The following CNTNAP2 variants were observed in gnomAD, a reference collection of about 807,000 sequenced individuals.
CNTNAP2 encodes the protein contactin associated protein 2.
CNTNAP2 carries 98 observed loss-of-function variants against 155.2 expected under a neutral mutation model. The observed-to-expected ratio is 0.63, with a 90% CI of 0.54 to 0.75. The LOEUF (loss-of-function observed/expected upper bound fraction) is 0.75, where lower values mean the gene tolerates loss of function less well. Among genes scored for constraint, CNTNAP2 ranks in the 30% least tolerant of loss-of-function variants. The pLI is 0.00. For missense variants in CNTNAP2, 1,727 were observed against 1,688.1 expected (o/e 1.02, Z -0.40); for synonymous variants, 651 against 631.2 (o/e 1.03, Z -0.47).
At chr7:147,722,542 A>G (rs369822239) in intron 13 of CNTNAP2, among the ~76,000 whole-genome samples, 13 of 152,098 alleles carry the variant, frequency 8.5e-5, no homozygotes, top group East Asian at 7.7e-4. Flanking sequence ...GAAGGGAAAT[A>G]TATTTTCTTC....
intron 1 of CNTNAP2, among the ~76,000 whole-genome samples, chr7:146,393,267 A>C (rs2129106873): frequency 6.6e-6 from 1 of 152,270 alleles, no homozygotes; most frequent in South Asian, 2.1e-4. Context: ...CCACCTGGAA[A>C]CATAATGGCA....
chr7:146,410,720 T>A (rs1410215013), intron 1 of CNTNAP2, among the ~76,000 whole-genome samples: 1 of 152,184 alleles, frequency 6.6e-6, no homozygotes, highest in Non-Finnish European at 1.5e-5. Flanking sequence ...CATAAGATAC[T>A]AATTTTTATC....
intron 2 of CNTNAP2, among the ~76,000 whole-genome samples, chr7:146,829,889 A>T (rs768543866): frequency 3.3e-5 from 5 of 152,086 alleles, no homozygotes; most frequent in Non-Finnish European, 5.9e-5. Context: ...ATAAGATTGA[A>T]TACCTTGTCC....
At chr7:146,469,105 C>T (rs1796757004) in intron 1 of CNTNAP2, among the ~76,000 whole-genome samples, 1 of 152,116 alleles carries the variant, frequency 6.6e-6, no homozygotes, top group South Asian at 2.1e-4. Flanking sequence ...ATGCAGCATC[C>T]AGCTCCTCCT....
intron 15 of CNTNAP2, among the ~76,000 whole-genome samples, chr7:148,038,463 C>G (rs1802609574): frequency 6.6e-6 from 1 of 152,202 alleles, no homozygotes; most frequent in Admixed American, 6.5e-5. Flanking sequence ...TCCATTGTTT[C>G]TTCTTCATTA....
intron 13 of CNTNAP2, among the ~76,000 whole-genome samples, chr7:147,830,093 A>G (rs913907584): frequency 2.0e-5 from 3 of 151,874 alleles, no homozygotes; most frequent in African/African-American, 7.3e-5. Flanking sequence ...TGGGGCATTC[A>G]ATACATATGT....
In CNTNAP2 at chr7:146,581,922, A is replaced by G. The variant is rs768627181; in HGVS notation, c.98-192349A>G. On this transcript the variant is annotated intron_variant, in intron 1 of 23. Transcript: ENST00000361727. ...TGCAGTGAGAATTGATAAGATAAGG[A>G]TATTCTGACCACGAGGAGTTTACAA... 6.6e-5 allele frequency among the ~76,000 whole-genome samples: 10 copies of G among 152,114 alleles called. 1 individual carries two copies. The highest frequency in any genetic ancestry group is 1.3e-4 in the Non-Finnish European group (9 of 68,008).
At chr7:146,181,440 G>A (rs1161520999) in intron 1 of CNTNAP2, among the ~76,000 whole-genome samples, 1 of 152,124 alleles carries the variant, frequency 6.6e-6, no homozygotes. Context: ...AATAAGAGTA[G>A]CACAAGGCTT....
intron 21 of CNTNAP2, among the ~76,000 whole-genome samples, chr7:148,308,335 CAA>C (rs1465555903): frequency 6.6e-6 from 1 of 151,638 alleles, no homozygotes; most frequent in East Asian, 1.9e-4. Context: ...TGGAAAAAAA[CAA>C]AGAGTTTAAG....
intron 1 of CNTNAP2, among the ~76,000 whole-genome samples, chr7:146,571,576 C>A (rs144942781): frequency 6.6e-6 from 1 of 152,162 alleles, no homozygotes; most frequent in African/African-American, 2.4e-5. Flanking sequence ...TCTATACCAG[C>A]CTCTCCATCC....
At chr7:146,208,844 A>G (rs918256109) in intron 1 of CNTNAP2, 1 of 152,148 alleles carries the variant, frequency 6.6e-6, no homozygotes, top group Non-Finnish European at 1.5e-5. Context: ...ATTATAGGTC[A>G]GTTCTTGAGA....
chr7:147,771,501 G>A (rs1311523240), intron 13 of CNTNAP2, among the ~76,000 whole-genome samples: 4 of 152,212 alleles, frequency 2.6e-5, no homozygotes, highest in Admixed American at 6.5e-5. Flanking sequence ...GGAGGCTACA[G>A]CTGCAAGAAC....
intron 15 of CNTNAP2, among the ~76,000 whole-genome samples, chr7:148,080,397 A>G (rs1803571850): frequency 6.6e-6 from 1 of 152,030 alleles, no homozygotes; most frequent in Non-Finnish European, 1.5e-5. Context: ...CGAGGTCAGG[A>G]GATCGAGACC....
intron 15 of CNTNAP2, among the ~76,000 whole-genome samples, chr7:148,010,758 C>T (rs1802066695): frequency 6.6e-6 from 1 of 152,070 alleles, no homozygotes; most frequent in East Asian, 1.9e-4. Context: ...ACCCTCTGCC[C>T]CCACATATGC....
At chr7:148,291,852 T>C (rs1273361271) in intron 21 of CNTNAP2, among the ~76,000 whole-genome samples, 2 of 152,164 alleles carry the variant, frequency 1.3e-5, no homozygotes, top group African/African-American at 4.8e-5. Context: ...AAGAAGTGTG[T>C]AAATAACTTC....
intron 10 of CNTNAP2, among the ~76,000 whole-genome samples, chr7:147,414,941 C>CAAAAAAAAAAAAAAAAAAAAAA (rs67048724): frequency 3.7e-4 from 19 of 50,944 alleles, no homozygotes; most frequent in South Asian, 1.2e-3. Flanking sequence ...GACTCCTTCT[C>CAAAAAAAAAAAAAAAAAAAAAA]AAAAAAAAAA....
chr7:146,507,940 G>A (rs1339049337), intron 1 of CNTNAP2, among the ~76,000 whole-genome samples: 2 of 152,134 alleles, frequency 1.3e-5, no homozygotes, highest in Non-Finnish European at 2.9e-5. Flanking sequence ...TGGGAAGAAT[G>A]TATGGGCCAA....
At chr7:147,877,590 T>C (rs1257332825) in intron 13 of CNTNAP2, among the ~76,000 whole-genome samples, 9 of 152,210 alleles carry the variant, frequency 5.9e-5, no homozygotes, top group Non-Finnish European at 8.8e-5. Flanking sequence ...GGGTACTGTT[T>C]GAAAATTAAT....
At chr7:146,814,026 C>A (rs1008979642) in intron 2 of CNTNAP2, among the ~76,000 whole-genome samples, 7 of 152,156 alleles carry the variant, frequency 4.6e-5, no homozygotes, top group East Asian at 1.9e-4. Flanking sequence ...CTCAGCCCTG[C>A]AGAACTGTGA....
Sources: allele counts gnomAD v4.1 joint callset (sites outside exome capture counted in the v4.1 genomes callset), GRCh38; gene constraint gnomAD v4.1.1; transcripts MANE v1.5; gene names NCBI Gene and HGNC (gene_info 2026-07-23, HGNC 2026-07-21).